CNTN5: variants seen among roughly 807,000 people sequenced by gnomAD.
CNTN5 encodes the protein contactin-5.
Under a neutral mutation model 129.1 loss-of-function variants are expected in CNTN5, and 77 were observed. The observed-to-expected ratio is 0.60, with a 90% CI of 0.50 to 0.72. CNTN5 has a LOEUF of 0.72. Among genes scored for constraint, CNTN5 ranks in the 30% least tolerant of loss-of-function variants. The pLI is 0.00. For missense variants in CNTN5, 1,478 were observed against 1,328.8 expected (o/e 1.11, Z -1.75); for synonymous variants, 509 against 465.6 (o/e 1.09, Z -1.20).
chr11:99,853,520 C>T (rs1293444458), intron 6 of CNTN5, among the ~76,000 whole-genome samples: 1 of 152,012 alleles, frequency 6.6e-6, no homozygotes. Flanking sequence ...CTGCCTCAGC[C>T]TCCTGAGTAG....
At chr11:99,735,902 C>T (rs1377744452) in intron 3 of CNTN5, among the ~76,000 whole-genome samples, 1 of 152,060 alleles carries the variant, frequency 6.6e-6, no homozygotes, top group Non-Finnish European at 1.5e-5. Context: ...AAAACTGAAA[C>T]TTTGTACACC....
chr11:100,039,848 G>T (rs185769516), intron 9 of CNTN5, among the ~76,000 whole-genome samples: 1 of 152,066 alleles, frequency 6.6e-6, no homozygotes, highest in African/African-American at 2.4e-5. Flanking sequence ...CTCTGCATTG[G>T]TTATCCTGGT....
At chr11:99,190,581 T>A (rs1179929088) in intron 1 of CNTN5, among the ~76,000 whole-genome samples, 2 of 151,636 alleles carry the variant, frequency 1.3e-5, no homozygotes, top group African/African-American at 4.8e-5. Context: ...TGTTCACCAA[T>A]GTTTTGTAGT....
chr11:99,400,289 C>A (rs1225699691), intron 2 of CNTN5, among the ~76,000 whole-genome samples: 1 of 152,042 alleles, frequency 6.6e-6, no homozygotes, highest in Non-Finnish European at 1.5e-5. Flanking sequence ...TCTTTCTGTG[C>A]CTGCTATTTC....
In CNTN5 at chr11:100,242,974, G is replaced by A. The variant is rs116083613; in HGVS notation, c.2006-12786G>A. Among the ~76,000 whole-genome samples the A allele has an allele frequency of 4.0e-3, 604 of 152,288 alleles. 3 individuals carry two copies. Among genetic ancestry groups the A allele is most frequent in the African/African-American group, 0.014 (568 of 41,572 alleles). On this transcript the variant is annotated intron_variant, in intron 16 of 24. Transcript: ENST00000524871. Reference sequence around the variant, plus strand: ...TCAATAAGACAGACCAGCAGATACCGCGAAATAAAAGGGTAAGATACCTGA... The same window carrying A: ...TCAATAAGACAGACCAGCAGATACCACGAAATAAAAGGGTAAGATACCTGA...
chr11:99,834,558 G>A (rs919495216), intron 4 of CNTN5, among the ~76,000 whole-genome samples: 6 of 152,048 alleles, frequency 3.9e-5, no homozygotes, highest in Admixed American at 2.6e-4. Flanking sequence ...GCAAACGATT[G>A]CACTTTTATT....
At chr11:100,217,985 G>C (rs1949179947) in intron 15 of CNTN5, among the ~76,000 whole-genome samples, 1 of 152,134 alleles carries the variant, frequency 6.6e-6, no homozygotes, top group African/African-American at 2.4e-5. Flanking sequence ...TCTACCTCTA[G>C]GACTGTAAAG....
chr11:99,513,322 AC>A (rs1372733959), intron 2 of CNTN5, among the ~76,000 whole-genome samples: 11 of 152,274 alleles, frequency 7.2e-5, no homozygotes, highest in Admixed American at 7.2e-4. Flanking sequence ...AACAAAGTGC[AC>A]GGTGAAACAG....
chr11:99,175,637 GTCT>G (rs1257990066), intron 1 of CNTN5, among the ~76,000 whole-genome samples: 1 of 152,202 alleles, frequency 6.6e-6, no homozygotes, highest in East Asian at 1.9e-4. Flanking sequence ...AATGAAAAAT[GTCT>G]TCTTCTTTCT....
intron 3 of CNTN5, among the ~76,000 whole-genome samples, chr11:99,685,293 T>A (rs1025357437): frequency 1.3e-5 from 2 of 151,846 alleles, no homozygotes; most frequent in African/African-American, 4.8e-5. Context: ...ATGGAAAATT[T>A]TAGTAAATAA....
chr11:99,594,092 T>C (rs962870816), intron 3 of CNTN5, among the ~76,000 whole-genome samples: 3 of 152,238 alleles, frequency 2.0e-5, no homozygotes, highest in African/African-American at 7.2e-5. Flanking sequence ...TTGTTCTGCC[T>C]AGAATAGTCT....
At chr11:99,629,316 G>C (rs927496113) in intron 3 of CNTN5, among the ~76,000 whole-genome samples, 1 of 151,994 alleles carries the variant, frequency 6.6e-6, no homozygotes, top group Admixed American at 6.6e-5. Flanking sequence ...ACTAGGTGGT[G>C]AGATTTTATT....
intron 1 of CNTN5, among the ~76,000 whole-genome samples, chr11:99,062,697 T>C (rs1159309132): frequency 6.6e-6 from 1 of 152,090 alleles, no homozygotes; most frequent in East Asian, 1.9e-4. Flanking sequence ...GTAATGGATT[T>C]TATAAACAAT....
chr11:100,299,587 A>T (rs564442568), intron 20 of CNTN5, among the ~76,000 whole-genome samples, 191 bp downstream of exon 20: 2 of 151,402 alleles, frequency 1.3e-5, no homozygotes, highest in Non-Finnish European at 3.0e-5. Context: ...ATTATTCCAC[A>T]TATGTTGCTT....
intron 1 of CNTN5, among the ~76,000 whole-genome samples, chr11:99,295,738 C>T (rs563959288): frequency 4.8e-4 from 73 of 151,530 alleles, no homozygotes; most frequent in Non-Finnish European, 8.0e-4. Context: ...TAGCCGGGCG[C>T]GGTGGCGGGC....
At chr11:99,377,169 G>C (rs1316621129) in intron 2 of CNTN5, among the ~76,000 whole-genome samples, 1 of 152,046 alleles carries the variant, frequency 6.6e-6, no homozygotes, top group Non-Finnish European at 1.5e-5. Context: ...TGTGAGGAAT[G>C]AAACAGAGCT....
intron 1 of CNTN5, among the ~76,000 whole-genome samples, chr11:99,044,415 C>G (rs1864121910): frequency 6.6e-6 from 1 of 152,082 alleles, no homozygotes; most frequent in Admixed American, 6.5e-5. Context: ...TGCAGCCCGC[C>G]CATCTTATTT....
At chr11:99,185,838 A>G (rs1858322945) in intron 1 of CNTN5, among the ~76,000 whole-genome samples, 1 of 106,528 alleles carries the variant, frequency 9.4e-6, no homozygotes, top group Admixed American at 1.1e-4. Flanking sequence ...GAGAGGAAAT[A>G]AAATAAAGAG....
intron 3 of CNTN5, among the ~76,000 whole-genome samples, chr11:99,658,843 G>A (rs1434115864): frequency 3.6e-5 from 5 of 140,128 alleles, no homozygotes; most frequent in African/African-American, 1.3e-4. Flanking sequence ...GGCCAAGATG[G>A]CACCATTGCA....
Sources: gnomAD v4.1 joint callset for allele counts (sites outside exome capture counted in the v4.1 genomes callset) on GRCh38, gnomAD v4.1.1 for gene constraint, MANE v1.5 for transcripts, NCBI Gene and HGNC (gene_info 2026-07-23, HGNC 2026-07-21) for gene names.